TTLL11: variants seen among roughly 807,000 people sequenced by gnomAD.
The protein encoded by TTLL11 is tubulin polyglutamylase TTLL11.
Under a neutral mutation model 51.7 loss-of-function variants are expected in TTLL11, and 42 were observed. That is an observed-to-expected ratio of 0.81 (90% CI 0.64 to 1.05). The LOEUF is 1.05. Among genes scored for constraint, TTLL11 ranks in the 50% least tolerant of loss-of-function variants. The pLI, the probability that TTLL11 is intolerant of heterozygous loss-of-function variation, is 0.00. For synonymous variants in TTLL11, 381 were observed against 383.5 expected (o/e 0.99, Z 0.08); for missense variants, 799 against 940.4 (o/e 0.85, Z 1.97).
At chr9:121,857,128 G>T (rs182834527) in intron 8 of TTLL11, among the ~76,000 whole-genome samples, 43 of 152,280 alleles carry the variant, frequency 2.8e-4, no homozygotes, top group Middle Eastern at 3.4e-3. Flanking sequence ...AGACCCCCAG[G>T]CCCTGCTATT....
intron 6 of TTLL11, among the ~76,000 whole-genome samples, chr9:121,927,565 G>T (rs560185676): frequency 6.6e-6 from 1 of 151,336 alleles, no homozygotes; most frequent in Admixed American, 6.6e-5. Context: ...GAGGTGAAAA[G>T]AAATATGTAA....
At chr9:122,004,757 C>A (rs7856664) in intron 3 of TTLL11, among the ~76,000 whole-genome samples, 4,050 of 152,334 alleles carry the variant, frequency 0.027, 184 homozygotes, top group African/African-American at 0.092. Flanking sequence ...CTGGCCAGCC[C>A]CAGGGCCCAA....
At chr9:122,010,326 T>C (rs1407931045) in intron 3 of TTLL11, among the ~76,000 whole-genome samples, 1 of 152,254 alleles carries the variant, frequency 6.6e-6, no homozygotes, top group Non-Finnish European at 1.5e-5. Flanking sequence ...CTATTTTTTC[T>C]TGCTGCAATT....
chr9:121,958,594 C>A (rs1178281204), intron 6 of TTLL11, among the ~76,000 whole-genome samples: 7 of 152,166 alleles, frequency 4.6e-5, no homozygotes. Flanking sequence ...GAAACAGAGG[C>A]TTCAGCTAGT....
At chr9:122,090,286 G>C (rs905445316) in intron 1 of TTLL11, among the ~76,000 whole-genome samples, 4 of 152,148 alleles carry the variant, frequency 2.6e-5, no homozygotes, top group African/African-American at 4.8e-5. Context: ...CCTGATAAAT[G>C]GAAGAACATC....
intron 6 of TTLL11, among the ~76,000 whole-genome samples, chr9:121,961,699 T>C (rs1461259771): frequency 6.6e-6 from 1 of 152,162 alleles, no homozygotes; most frequent in Non-Finnish European, 1.5e-5. Flanking sequence ...GGTCCAGTCA[T>C]TGATGAAAAT....
chr9:121,951,895 A>G (rs979375874), intron 6 of TTLL11, among the ~76,000 whole-genome samples: 1 of 152,204 alleles, frequency 6.6e-6, no homozygotes, highest in Admixed American at 6.5e-5. Flanking sequence ...CCCTTTTTAG[A>G]CCATATAGGG....
At chr9:121,826,322 A>ATG (rs1564260115) in intron 8 of TTLL11, among the ~76,000 whole-genome samples, 1 of 70,444 alleles carries the variant, frequency 1.4e-5, no homozygotes, top group Non-Finnish European at 3.4e-5. Flanking sequence ...GTTTATATAT[A>ATG]TATATGGGTT....
At chr9:121,874,132 C>T (rs887821423) in intron 6 of TTLL11, among the ~76,000 whole-genome samples, 3 of 152,110 alleles carry the variant, frequency 2.0e-5, no homozygotes, top group South Asian at 2.1e-4. Context: ...GCTGGGATTA[C>T]AGGCGTGAGC....
chr9:121,997,406 C>T (rs1198207898), intron 3 of TTLL11, among the ~76,000 whole-genome samples: 1 of 152,158 alleles, frequency 6.6e-6, no homozygotes, highest in Non-Finnish European at 1.5e-5. Flanking sequence ...CTGTCCAGCC[C>T]CACCTAATTC....
At chr9:121,932,677 G>C (rs16911127) in intron 6 of TTLL11, among the ~76,000 whole-genome samples, 13,313 of 151,100 alleles carry the variant, frequency 0.088, 941 homozygotes, top group African/African-American at 0.2. Context: ...CAGGCTGATA[G>C]ATCTAGATAA....
At chr9:121,866,576 C>G in intron 7 of TTLL11, among the ~76,000 whole-genome samples, 1 of 149,596 alleles carries the variant, frequency 6.7e-6, no homozygotes, top group Non-Finnish European at 1.5e-5. Flanking sequence ...AGGAGAATTA[C>G]TTGAACCTGG....
At chr9:121,924,072 C>T (rs1321202730) in intron 6 of TTLL11, among the ~76,000 whole-genome samples, 4 of 152,184 alleles carry the variant, frequency 2.6e-5, no homozygotes, top group Admixed American at 6.5e-5. Context: ...TCCCCAGCCA[C>T]GTGGAACTGT....
At position 121,995,798 on chromosome 9, in the gene TTLL11, A is replaced by G. The variant is rs1472878735; in HGVS notation, c.694-6028T>C. Among the ~76,000 whole-genome samples the G allele has an allele frequency of 6.6e-6, 1 of 152,186 alleles. No homozygotes were observed. The highest frequency in any genetic ancestry group is 1.9e-4 in the East Asian group (1 of 5,180). On this transcript the variant is annotated intron_variant, in intron 3 of 8. Coordinates refer to ENST00000321582, the MANE Select transcript of TTLL11 (RefSeq NM_001139442.2). The surrounding 1 kb of genome is among the most constrained non-coding windows in gnomAD (Gnocchi z 4.4). Reference sequence around the variant, plus strand: ...TAATTCTGATACAACAACTCTCCCAAGCTTGGAAAGAATAAGAGCTGCTGT... The same window carrying G: ...TAATTCTGATACAACAACTCTCCCAGGCTTGGAAAGAATAAGAGCTGCTGT...
intron 6 of TTLL11, among the ~76,000 whole-genome samples, chr9:121,895,137 A>G (rs1246690311): frequency 2.6e-5 from 4 of 152,228 alleles, no homozygotes; most frequent in Non-Finnish European, 4.4e-5. Context: ...ATGTAGTAAC[A>G]ATGAGCTTCC....
chr9:121,976,319 T>C (rs1458128754), intron 4 of TTLL11, among the ~76,000 whole-genome samples: 2 of 152,226 alleles, frequency 1.3e-5, no homozygotes, highest in East Asian at 1.9e-4. Context: ...CAGCCACTCA[T>C]GAGCATCTCG....
intron 6 of TTLL11, among the ~76,000 whole-genome samples, chr9:121,937,900 T>A (rs1841293837): frequency 6.6e-6 from 1 of 152,046 alleles, no homozygotes; most frequent in Non-Finnish European, 1.5e-5. Context: ...TATCCTAGGA[T>A]TGCAAGGATG....
intron 6 of TTLL11, among the ~76,000 whole-genome samples, chr9:121,921,329 T>C (rs2131525861): frequency 6.6e-6 from 1 of 152,260 alleles, no homozygotes; most frequent in African/African-American, 2.4e-5. Context: ...GAGATACAAG[T>C]AATGTCCTGA....
chr9:121,878,350 C>T (rs796594067), intron 6 of TTLL11, among the ~76,000 whole-genome samples: 19 of 152,296 alleles, frequency 1.2e-4, no homozygotes, highest in Non-Finnish European at 1.9e-4. Context: ...CTGGCTGCTT[C>T]GTTTTGTTTG....
Sources: gnomAD v4.1 joint callset for allele counts (sites outside exome capture counted in the v4.1 genomes callset) on GRCh38, gnomAD v4.1.1 for gene constraint, Gnocchi (gnomAD v3.1) non-coding constraint, MANE v1.5 for transcripts, NCBI Gene and HGNC (gene_info 2026-07-23, HGNC 2026-07-21) for gene names.